CD109: variants seen among roughly 807,000 people sequenced by gnomAD.
The protein encoded by CD109 is CD109 molecule.
CD109 carries 149 observed loss-of-function variants against 165.8 expected under a neutral mutation model. That is an observed-to-expected ratio of 0.90 (90% CI 0.79 to 1.03). The LOEUF (loss-of-function observed/expected upper bound fraction) is 1.03, where lower values mean the gene tolerates loss of function less well. Ranked by LOEUF, CD109 falls within the 50% of genes least tolerant of loss-of-function variation. CD109 has a pLI of 0.00. For missense variants in CD109, 1,712 were observed against 1,677.8 expected (o/e 1.02, Z -0.36); for synonymous variants, 585 against 592.1 (o/e 0.99, Z 0.18).
intron 2 of CD109, among the ~76,000 whole-genome samples, chr6:73,720,910 G>A (rs1252995387): frequency 1.3e-5 from 2 of 152,146 alleles, no homozygotes; most frequent in Admixed American, 6.5e-5. Context: ...GTAGACTCAG[G>A]TTGATCTCCA....
Position 73,766,105 on chromosome 6 carries a change from T to A in CD109, c.1283T>A (p.Phe428Tyr), listed in dbSNP as rs1272274278. ...TATACTGTCCCCCAAAGTGGAACTT[T>A]TAAGATTGAATTCCCAATCCTGGAG... is the stretch of plus-strand genomic sequence containing the variant. ...INYTVPQSGT[F>Y]KIEFPILEDS... The change falls in exon 11 of 33, where the codon TTT becomes TAT. Residue 428 changes from phenylalanine (F) to tyrosine (Y), a missense_variant. Transcript: ENST00000287097. 3 of 1,614,126 alleles carry A rather than the reference T, an allele frequency of 1.9e-6. No individual in the cohort carries two copies. Among genetic ancestry groups the A allele is most frequent in the Non-Finnish European group, 2.5e-6 (3 of 1,179,998 alleles).
chr6:73,715,079 C>T (rs1222791838), intron 2 of CD109, among the ~76,000 whole-genome samples: 1 of 152,010 alleles, frequency 6.6e-6, no homozygotes, highest in Non-Finnish European at 1.5e-5. Flanking sequence ...GCCAACATGG[C>T]ACAACCCTGT....
chr6:73,761,125 A>T (rs1475674620), intron 7 of CD109, among the ~76,000 whole-genome samples: 1 of 151,876 alleles, frequency 6.6e-6, no homozygotes, highest in African/African-American at 2.4e-5. Context: ...CTTATTTTAA[A>T]TTTTTTGGCA....
chr6:73,813,876 C>T (rs1775837145), intron 29 of CD109, among the ~76,000 whole-genome samples: 1 of 151,990 alleles, frequency 6.6e-6, no homozygotes, highest in South Asian at 2.1e-4. Flanking sequence ...TTGCATGCCA[C>T]CGAAAGGGGA....
chr6:73,756,506 A>G, intron 5 of CD109, 137 bp from the exon 6 acceptor site: 3 of 601,694 alleles, frequency 5.0e-6, no homozygotes, highest in Non-Finnish European at 8.6e-6. Context: ...ATGAAAATAA[A>G]CAAGTTTGTT....
At chr6:73,792,923 C>T (rs1379469976) in intron 23 of CD109, 121 bp downstream of exon 23, 2 of 697,364 alleles carry the variant, frequency 2.9e-6, no homozygotes, top group East Asian at 2.8e-5. Flanking sequence ...ATGGGCTACA[C>T]GGTGTTGACA....
At chr6:73,693,415 G>T (rs144955963), upstream of CD109, among the ~76,000 whole-genome samples, 1 of 152,150 alleles carries the variant, frequency 6.6e-6, no homozygotes, top group Non-Finnish European at 1.5e-5. Context: ...CTATTCATGA[G>T]GATCCACCCA....
intron 14 of CD109, among the ~76,000 whole-genome samples, chr6:73,771,183 A>G (rs1774019705): frequency 6.6e-6 from 1 of 152,258 alleles, no homozygotes; most frequent in Admixed American, 6.5e-5. Context: ...AAAGGGAAGA[A>G]AAAAGATACA....
chr6:73,703,300 A>C (rs116536842), intron 2 of CD109, among the ~76,000 whole-genome samples: 1,812 of 152,364 alleles, frequency 0.012, 36 homozygotes, highest in African/African-American at 0.041. Flanking sequence ...CTTGCAGTAG[A>C]TAGACCTGGA....
intron 5 of CD109, among the ~76,000 whole-genome samples, chr6:73,754,725 G>A (rs912554924): frequency 6.6e-6 from 1 of 152,092 alleles, no homozygotes; most frequent in Non-Finnish European, 1.5e-5. Flanking sequence ...TAAACTATGC[G>A]GGATATAAAA....
chr6:73,761,949 AT>A (rs200534962), intron 7 of CD109, among the ~76,000 whole-genome samples: 1,636 of 150,936 alleles, frequency 0.011, 30 homozygotes, highest in East Asian at 0.042. Context: ...CCCATAATGT[AT>A]TTTTTTTTAA....
At chr6:73,769,636 G>A (rs897553428) in intron 14 of CD109, among the ~76,000 whole-genome samples, 1 of 152,210 alleles carries the variant, frequency 6.6e-6, no homozygotes, top group African/African-American at 2.4e-5. Flanking sequence ...GAAAGTTAGT[G>A]AATGTTTATT....
chr6:73,716,489 A>G (rs1480003688), intron 2 of CD109, among the ~76,000 whole-genome samples: 4 of 152,150 alleles, frequency 2.6e-5, no homozygotes, highest in African/African-American at 9.7e-5. Flanking sequence ...GGGCGAGATG[A>G]TATCTCATTG....
chr6:73,764,068 C>T (rs1773744047), intron 10 of CD109, among the ~76,000 whole-genome samples: 2 of 152,080 alleles, frequency 1.3e-5, no homozygotes, highest in South Asian at 4.1e-4. Flanking sequence ...AAAAAATTAT[C>T]AACAAATCTC....
chr6:73,731,323 G>T (rs1397733267), intron 4 of CD109, among the ~76,000 whole-genome samples: 1 of 152,216 alleles, frequency 6.6e-6, no homozygotes, highest in Non-Finnish European at 1.5e-5. Flanking sequence ...GAGCCACTGC[G>T]CCCAGCATGT....
intron 2 of CD109, among the ~76,000 whole-genome samples, chr6:73,716,825 G>A: frequency 6.6e-6 from 1 of 152,202 alleles, no homozygotes; most frequent in East Asian, 1.9e-4. Context: ...GCCTGTGCTT[G>A]TGGGATATTG....
intron 2 of CD109, among the ~76,000 whole-genome samples, chr6:73,706,115 G>C (rs1352679946): frequency 1.3e-5 from 2 of 152,108 alleles, no homozygotes; most frequent in Non-Finnish European, 2.9e-5. Context: ...ATTAAGGAAA[G>C]AAATATTTTG....
Position 73,723,262 on chromosome 6 carries a change from A to G in CD109, c.259A>G (p.Thr87Ala). The G allele has an allele frequency of 6.2e-7, 1 of 1,612,806 alleles. No homozygotes were observed. The highest frequency in any genetic ancestry group is 1.3e-5 in the African/African-American group (1 of 74,972). Residue 87 changes from threonine (T) to alanine (A), a missense_variant, in exon 3 of 33, where the codon ACA becomes GCA. Thr to Ala is a moderately conservative substitution (Grantham distance 58). Transcript: ENST00000287097. ...TGTTTTCCTTGTAGGCTCTTTTAAG[A>G]CACTTACTCTTCCATCAGTAAGTAT... ...EGVFEKGSFK[T>A]LTLPSLPLNS...
chr6:73,712,500 G>A (rs1266236307), intron 2 of CD109, among the ~76,000 whole-genome samples: 1 of 151,834 alleles, frequency 6.6e-6, no homozygotes, highest in Non-Finnish European at 1.5e-5. Context: ...GAGTATTTCT[G>A]TACCTAGTTG....
Sources: gnomAD v4.1 joint callset for allele counts (sites outside exome capture counted in the v4.1 genomes callset) on GRCh38, gnomAD v4.1.1 for gene constraint, MANE v1.5 for transcripts, NCBI Gene and HGNC (gene_info 2026-07-23, HGNC 2026-07-21) for gene names.